The following PRKAG2 variants were observed in gnomAD, a reference collection of about 807,000 sequenced individuals.
PRKAG2 encodes the protein 5'-AMP-activated protein kinase subunit gamma-2.
PRKAG2 carries 26 observed loss-of-function variants against 69.6 expected under a neutral mutation model. The observed-to-expected ratio is 0.37, with a 90% CI of 0.27 to 0.52. PRKAG2 has a LOEUF of 0.52. PRKAG2 is among the 20% of genes least tolerant of loss of function. The probability of loss-of-function intolerance (pLI) is 0.90; values close to 1 mark genes in which losing one functional copy is unlikely to be tolerated. For synonymous variants in PRKAG2, 293 were observed against 285.0 expected (o/e 1.03, Z -0.28); for missense variants, 557 against 740.0 (o/e 0.75, Z 2.87).
chr7:151,711,635 C>T (rs1456036426), intron 3 of PRKAG2, among the ~76,000 whole-genome samples: 5 of 152,186 alleles, frequency 3.3e-5, no homozygotes, highest in Non-Finnish European at 5.9e-5. Context: ...AGGAGGACAG[C>T]AATATTATCC....
rs2151477317 is a variant in PRKAG2 at position 151,675,591 on chromosome 7, C to T, written c.513G>A (p.Lys171=). The T allele has an allele frequency of 3.7e-6, 6 of 1,614,138 alleles. No homozygotes were observed. The highest frequency in any genetic ancestry group is 5.1e-6 in the Non-Finnish European group (6 of 1,179,992). ...AGGATTCCAGGGGAAACGTGTGCTGCTTGGTCACTTGGGTGGGTGTTGACG... is the reference window on the plus strand; with the variant it reads ...AGGATTCCAGGGGAAACGTGTGCTGTTTGGTCACTTGGGTGGGTGTTGACG... ...SSPSTPTQVT[K]QHTFPLESYK... The change falls in exon 4 of 16, where the codon AAG becomes AAA. Residue 171 remains lysine (K), a synonymous_variant. Coordinates refer to ENST00000287878, the MANE Select transcript of PRKAG2 (RefSeq NM_016203.4).
At chr7:151,869,549 A>G (rs577589547) in intron 1 of PRKAG2, among the ~76,000 whole-genome samples, 5 of 152,376 alleles carry the variant, frequency 3.3e-5, no homozygotes, top group South Asian at 2.1e-4. Flanking sequence ...GTGACTCTGC[A>G]GGCCCATGGG....
At chr7:151,597,820 G>GCCA (rs1554482743) in intron 5 of PRKAG2, among the ~76,000 whole-genome samples, 45 of 124,806 alleles carry the variant, frequency 3.6e-4, no homozygotes, top group African/African-American at 1.3e-3. Flanking sequence ...ACAAAAGGGA[G>GCCA]CCCCCCCCCC....
chr7:151,858,568 C>CA (rs2079842313), intron 1 of PRKAG2, among the ~76,000 whole-genome samples: 1 of 152,176 alleles, frequency 6.6e-6, no homozygotes, highest in Admixed American at 6.5e-5. Flanking sequence ...CACACACACA[C>CA]CACCCCTGTG....
chr7:151,772,590 C>T (rs1313034009), intron 3 of PRKAG2, among the ~76,000 whole-genome samples: 6 of 152,148 alleles, frequency 3.9e-5, no homozygotes, highest in Non-Finnish European at 8.8e-5. Context: ...ATATTTTTTG[C>T]ACCTTCTAGA....
intron 3 of PRKAG2, among the ~76,000 whole-genome samples, chr7:151,770,443 C>T (rs533127615): frequency 3.3e-5 from 5 of 152,358 alleles, no homozygotes; most frequent in Non-Finnish European, 7.3e-5. Flanking sequence ...TGAATATGTA[C>T]ATTTGGCCAC....
intron 3 of PRKAG2, among the ~76,000 whole-genome samples, chr7:151,750,036 G>T (rs896227680): frequency 6.8e-6 from 1 of 146,428 alleles, no homozygotes; most frequent in African/African-American, 2.6e-5. Flanking sequence ...AGCAGAGGTT[G>T]TAGTGAGCCG....
chr7:151,791,752 T>A lies in PRKAG2; in HGVS notation c.115-5211A>T, dbSNP rs192965647. On this transcript the variant is annotated intron_variant, in intron 1 of 15. Transcript: ENST00000287878. ...ACCTTAAAAGCAACTCATTCATCCA[T>A]CTCGCTGCCTTAGAAATCCAGGCAA... Among the ~76,000 whole-genome samples, 68 of 152,312 alleles carry A rather than the reference T, an allele frequency of 4.5e-4. 1 individual carries two copies. In the Middle Eastern group the frequency reaches 0.014, roughly 30 times the overall value.
intron 1 of PRKAG2, among the ~76,000 whole-genome samples, chr7:151,874,261 T>TATGTATATGATGTATATGTATATG (rs2080313382): frequency 2.8e-5 from 3 of 105,440 alleles, no homozygotes; most frequent in Non-Finnish European, 5.5e-5. Context: ...ATATGATGTA[T>TATGTATATGATGTATATGTATATG]ATGTATATGT....
chr7:151,810,034 C>G (rs886327746), intron 1 of PRKAG2: 7 of 152,268 alleles, frequency 4.6e-5, no homozygotes, highest in African/African-American at 1.7e-4. Flanking sequence ...CCCGGGTTAC[C>G]TGGAGTCATG....
At chr7:151,786,283 GGCCGATACGC>G (rs2077001312) in intron 2 of PRKAG2, among the ~76,000 whole-genome samples, 177 bp downstream of exon 2, 1 of 152,214 alleles carries the variant, frequency 6.6e-6, no homozygotes, top group Non-Finnish European at 1.5e-5. Context: ...GGGATAGCCC[GGCCGATACGC>G]CAGGCTTGGC....
chr7:151,861,314 T>C (rs1217558347), intron 1 of PRKAG2, among the ~76,000 whole-genome samples: 2 of 152,010 alleles, frequency 1.3e-5, no homozygotes, highest in Admixed American at 6.6e-5. Flanking sequence ...GTGCATCACT[T>C]GAGGCCAGGA....
chr7:151,563,832 A>T (rs1805630972), intron 14 of PRKAG2, among the ~76,000 whole-genome samples: 1 of 152,232 alleles, frequency 6.6e-6, no homozygotes, highest in Admixed American at 6.5e-5. Context: ...AATGTATCTT[A>T]CCAGTTTATT....
At chr7:151,812,449 C>T (rs910535577) in intron 1 of PRKAG2, among the ~76,000 whole-genome samples, 1 of 152,206 alleles carries the variant, frequency 6.6e-6, no homozygotes, top group Non-Finnish European at 1.5e-5. Flanking sequence ...CATTAGTTAA[C>T]AGCTGAGCTG....
intron 3 of PRKAG2, among the ~76,000 whole-genome samples, chr7:151,701,815 C>T (rs1837743413): frequency 6.8e-6 from 1 of 147,424 alleles, no homozygotes. Context: ...TGCACTCCAG[C>T]CTGGGCGACA....
chr7:151,620,198 T>C (rs566431745), intron 5 of PRKAG2, among the ~76,000 whole-genome samples: 13 of 152,276 alleles, frequency 8.5e-5, no homozygotes, highest in Non-Finnish European at 1.8e-4. Flanking sequence ...ATATCCCTGG[T>C]TTATTAACGA....
In PRKAG2 at chr7:151,703,504, T is replaced by TA. The variant is rs1410730491; in HGVS notation, c.467-27868dup. Among the ~76,000 whole-genome samples, 5 of 125,958 alleles carry TA rather than the reference T, an allele frequency of 4.0e-5. No individual in the cohort carries two copies. In the East Asian group the frequency reaches 9.2e-4, roughly 23 times the overall value. The allele number at this position is 125,958 out of a possible 152,430, so 82.6% of individuals were successfully genotyped here. On this transcript the variant is annotated intron_variant, in intron 3 of 15. Coordinates refer to ENST00000287878, the MANE Select transcript of PRKAG2 (RefSeq NM_016203.4). ...CCACATCATCTGGCCACTTGGGCTT[T>TA]AAAAAATGTTTTATGGAGCATAATA...
chr7:151,673,951 C>T (rs941706757), intron 4 of PRKAG2, among the ~76,000 whole-genome samples: 8 of 150,376 alleles, frequency 5.3e-5, no homozygotes, highest in African/African-American at 2.4e-5. Flanking sequence ...CCACGGTTCT[C>T]ATGCCTCAGT....
chr7:151,596,078 GCTGTTGCTACT>G (rs1814443680), intron 5 of PRKAG2, among the ~76,000 whole-genome samples: 1 of 152,180 alleles, frequency 6.6e-6, no homozygotes, highest in African/African-American at 2.4e-5. Context: ...AAGAATGCCT[GCTGTTGCTACT>G]CTGTTCAAGG....
Sources: allele counts gnomAD v4.1 joint callset (sites outside exome capture counted in the v4.1 genomes callset), GRCh38; gene constraint gnomAD v4.1.1; transcripts MANE v1.5; gene names NCBI Gene and HGNC (gene_info 2026-07-23, HGNC 2026-07-21).